Variants in RABGAP1L observed in about 807,000 individuals in gnomAD.
The protein encoded by RABGAP1L is RAB GTPase activating protein 1 like, also known as rab GTPase-activating protein 1-like.
Under a neutral mutation model 137.7 loss-of-function variants are expected in RABGAP1L, and 63 were observed. The ratio of observed to expected loss-of-function variants is 0.46; its 90% CI spans 0.37 to 0.56. The LOEUF (loss-of-function observed/expected upper bound fraction) is 0.56. RABGAP1L is among the 20% of genes least tolerant of loss of function. The pLI is 0.00. For missense variants in RABGAP1L, 1,095 were observed against 1,244.0 expected (o/e 0.88, Z 1.80); for synonymous variants, 431 against 433.7 (o/e 0.99, Z 0.08).
chr1:174,573,641 T>G (rs1386062536), intron 13 of RABGAP1L, among the ~76,000 whole-genome samples: 1 of 152,152 alleles, frequency 6.6e-6, no homozygotes, highest in Non-Finnish European at 1.5e-5. Flanking sequence ...TTATAGTGAT[T>G]ATGATTTTTT....
At chr1:174,699,737 A>G in intron 16 of RABGAP1L, 87 bp downstream of exon 16, 1 of 1,290,776 alleles carries the variant, frequency 7.7e-7, no homozygotes, top group Non-Finnish European at 1.1e-6. Flanking sequence ...ATAATGAATT[A>G]TAGAAGTTTA....
chr1:174,322,778 A>G lies in RABGAP1L; in HGVS notation c.1465+17651A>G, dbSNP rs1385162972. ...TCAGCTGACATGAATGGATAAAGAG[A>G]AGAGATCACATGCAGGAGATTTTGG... On this transcript the variant is annotated intron_variant, in intron 11 of 25. Coordinates refer to ENST00000681986, the MANE Select transcript of RABGAP1L (RefSeq NM_001366446.1). 7.9e-5 allele frequency among the ~76,000 whole-genome samples: 12 copies of G among 152,276 alleles called. No homozygotes were observed. In the East Asian group the frequency reaches 2.3e-3, roughly 29 times the overall value.
intron 19 of RABGAP1L, among the ~76,000 whole-genome samples, chr1:174,836,134 T>G (rs774831904): frequency 1.3e-5 from 2 of 152,226 alleles, no homozygotes; most frequent in Non-Finnish European, 2.9e-5. Flanking sequence ...GATTTCAAGG[T>G]GGTATCAAGA....
chr1:174,304,246 G>A (rs1034155182), intron 10 of RABGAP1L, among the ~76,000 whole-genome samples: 1 of 151,832 alleles, frequency 6.6e-6, no homozygotes, highest in Admixed American at 6.6e-5. Context: ...TTCCAATGTT[G>A]AACCAGCTTG....
rs1339400005 is a variant in RABGAP1L at position 174,817,033 on chromosome 1, C to CT, written c.2340+5082dup. 4.2e-3 allele frequency among the ~76,000 whole-genome samples: 635 copies of CT among 151,242 alleles called. 4 individuals carry two copies. The highest frequency in any genetic ancestry group is 0.013 in the African/African-American group (552 of 41,282). Reference sequence around the variant, plus strand: ...CGTGAGCCACTGCACTCGGTCAGTCCTTTTTTTTTGTTTTGTTTTGTTTTT... The same window carrying CT: ...CGTGAGCCACTGCACTCGGTCAGTCCTTTTTTTTTTGTTTTGTTTTGTTTTT... On this transcript the variant is annotated intron_variant, in intron 19 of 25. Transcript: ENST00000681986.
chr1:174,637,995 G>GA (rs35666396), intron 14 of RABGAP1L, among the ~76,000 whole-genome samples: 2 of 152,148 alleles, frequency 1.3e-5, no homozygotes, highest in South Asian at 2.1e-4. Context: ...AGTAGGCCTG[G>GA]AAAAAACCTG....
intron 18 of RABGAP1L, among the ~76,000 whole-genome samples, chr1:174,760,353 A>G (rs527703697): frequency 1.7e-4 from 26 of 152,214 alleles, no homozygotes; most frequent in African/African-American, 5.5e-4. Context: ...AGTAGGCCCC[A>G]TGTCTATTGT....
At chr1:174,285,946 T>C (rs564744359) in intron 10 of RABGAP1L, among the ~76,000 whole-genome samples, 1 of 152,316 alleles carries the variant, frequency 6.6e-6, no homozygotes, top group South Asian at 2.1e-4. Flanking sequence ...TGATCATGTG[T>C]ATGATCTTTT....
intron 13 of RABGAP1L, among the ~76,000 whole-genome samples, chr1:174,524,830 G>A (rs144449296): frequency 0.01 from 1,516 of 146,760 alleles, 10 homozygotes; most frequent in Middle Eastern, 0.035. Flanking sequence ...TGTGATGAGA[G>A]ATAATGGTCC....
Position 174,232,399 on chromosome 1 carries a change from C to T in RABGAP1L, c.542+1044C>T, listed in dbSNP as rs567720565. Among the ~76,000 whole-genome samples the T allele has an allele frequency of 2.3e-4, 35 of 149,896 alleles. 1 individual carries two copies. The highest frequency in any genetic ancestry group is 1.3e-3 in the Admixed American group (20 of 15,102). ...GCTTGGGAGGCTGAGGCAGGAGAAT[C>T]GCTCAAACTCGGGAGATGGAGGTTG... On this transcript the variant is annotated intron_variant, in intron 4 of 25. Coordinates refer to ENST00000681986, the MANE Select transcript of RABGAP1L (RefSeq NM_001366446.1).
At position 174,516,166 on chromosome 1, in the gene RABGAP1L, C is replaced by CACACAT. The variant is rs1553319718; in HGVS notation, c.1711-121209_1711-121208insACACAT. Among the ~76,000 whole-genome samples, 289 of 149,852 alleles carry CACACAT rather than the reference C, an allele frequency of 1.9e-3. 2 individuals are homozygous for CACACAT. Among genetic ancestry groups the CACACAT allele is most frequent in the African/African-American group, 6.5e-3 (262 of 40,184 alleles). Reference sequence around the variant, plus strand: ...ACACACACACACACACACACACACACGCTTTGAGATAGGGTCTCGCTCTGT... The same window carrying CACACAT: ...ACACACACACACACACACACACACACACACATGCTTTGAGATAGGGTCTCGCTCTGT... On this transcript the variant is annotated intron_variant, in intron 13 of 25. Transcript: ENST00000681986.
intron 13 of RABGAP1L, among the ~76,000 whole-genome samples, chr1:174,610,532 T>C (rs1671137659): frequency 6.6e-6 from 1 of 152,140 alleles, no homozygotes; most frequent in African/African-American, 2.4e-5. Context: ...CACGTGTCTT[T>C]ATAGCAGCAT....
chr1:174,687,218 T>C (rs540268160), intron 15 of RABGAP1L, among the ~76,000 whole-genome samples: 1 of 152,228 alleles, frequency 6.6e-6, no homozygotes, highest in Non-Finnish European at 1.5e-5. Flanking sequence ...CATTAGGTAC[T>C]CTACTATTAT....
At chr1:174,768,001 C>A (rs1685817319) in intron 18 of RABGAP1L, among the ~76,000 whole-genome samples, 1 of 152,142 alleles carries the variant, frequency 6.6e-6, no homozygotes, top group African/African-American at 2.4e-5. Context: ...GGAAACCACC[C>A]CCATGATTCG....
At chr1:174,592,996 G>C (rs1486936700) in intron 13 of RABGAP1L, among the ~76,000 whole-genome samples, 1 of 43,190 alleles carries the variant, frequency 2.3e-5, no homozygotes, top group African/African-American at 2.3e-4. Flanking sequence ...ACTCTTTTTG[G>C]TTGGTAAACT....
chr1:174,606,874 G>A (rs1337928720), intron 13 of RABGAP1L, among the ~76,000 whole-genome samples: 1 of 152,136 alleles, frequency 6.6e-6, no homozygotes, highest in Non-Finnish European at 1.5e-5. Context: ...ATGTAACACA[G>A]CTAGCGTCTG....
At chr1:174,708,503 G>A (rs530380664) in intron 17 of RABGAP1L, among the ~76,000 whole-genome samples, 58 of 152,262 alleles carry the variant, frequency 3.8e-4, no homozygotes, top group African/African-American at 1.4e-3. Context: ...ATTAACAGAA[G>A]CAGGGTGGGG....
chr1:174,210,627 A>C (rs1668816122), intron 1 of RABGAP1L, among the ~76,000 whole-genome samples: 1 of 152,210 alleles, frequency 6.6e-6, no homozygotes, highest in Admixed American at 6.5e-5. Context: ...CAAATCTAAA[A>C]GTTATTGGCC....
At chr1:174,870,716 T>A (rs1652037321) in intron 19 of RABGAP1L, among the ~76,000 whole-genome samples, 1 of 152,066 alleles carries the variant, frequency 6.6e-6, no homozygotes, top group African/African-American at 2.4e-5. Flanking sequence ...ACTTATTAAA[T>A]ATTAGCTGCC....
Sources: allele counts gnomAD v4.1 joint callset (sites outside exome capture counted in the v4.1 genomes callset), GRCh38; gene constraint gnomAD v4.1.1; transcripts MANE v1.5; gene names NCBI Gene and HGNC (gene_info 2026-07-23, HGNC 2026-07-21).